GRID1: variants seen among roughly 807,000 people sequenced by gnomAD.
GRID1 encodes the protein glutamate receptor ionotropic, delta-1.
In GRID1, 28 loss-of-function variants were observed where a neutral mutation model predicts 98.0. The ratio of observed to expected loss-of-function variants is 0.29; its 90% CI spans 0.21 to 0.39. The LOEUF is 0.39. Ranked by LOEUF, GRID1 falls within the 10% of genes least tolerant of loss-of-function variation. The probability of loss-of-function intolerance (pLI) is 1.00; values close to 1 mark genes in which losing one functional copy is unlikely to be tolerated. For missense variants in GRID1, 1,111 were observed against 1,340.5 expected (o/e 0.83, Z 2.67); for synonymous variants, 553 against 538.5 (o/e 1.03, Z -0.37).
intron 4 of GRID1, among the ~76,000 whole-genome samples, chr10:86,099,906 G>A (rs963613925): frequency 2.0e-5 from 3 of 152,190 alleles, no homozygotes; most frequent in Non-Finnish European, 4.4e-5. Flanking sequence ...ATAACTGGGA[G>A]GGGTATCTGG....
chr10:85,754,799 C>T (rs1298433312), intron 8 of GRID1, among the ~76,000 whole-genome samples: 1 of 152,134 alleles, frequency 6.6e-6, no homozygotes, highest in Non-Finnish European at 1.5e-5. Flanking sequence ...GACTGTGTGA[C>T]CTTGGGCAGG....
chr10:85,820,023 AAGGAAGGCAGGCAGGC>A (rs1224171506), intron 8 of GRID1, among the ~76,000 whole-genome samples: 57 of 90,128 alleles, frequency 6.3e-4, no homozygotes, highest in African/African-American at 1.4e-3. Context: ...GGAAGGAAGG[AAGGAAGGCAGGCAGGC>A]AGGCAGGCAG....
At chr10:86,238,656 G>A (rs1039420006) in intron 2 of GRID1, among the ~76,000 whole-genome samples, 11 of 135,646 alleles carry the variant, frequency 8.1e-5, no homozygotes, top group Admixed American at 5.5e-4. Flanking sequence ...GTGACAGAGC[G>A]AGATTCCATC....
At chr10:85,898,216 G>A (rs1841322030) in intron 5 of GRID1, among the ~76,000 whole-genome samples, 1 of 152,160 alleles carries the variant, frequency 6.6e-6, no homozygotes, top group Non-Finnish European at 1.5e-5. Context: ...AAAAGGTATA[G>A]TAAAAATATG....
At chr10:86,013,875 G>T (rs1338878831) in intron 4 of GRID1, among the ~76,000 whole-genome samples, 1 of 152,196 alleles carries the variant, frequency 6.6e-6, no homozygotes, top group Non-Finnish European at 1.5e-5. Flanking sequence ...GTTAAGTTTT[G>T]TGGAAGCTCA....
At chr10:85,876,666 C>A (rs1179429772) in intron 5 of GRID1, among the ~76,000 whole-genome samples, 1 of 152,152 alleles carries the variant, frequency 6.6e-6, no homozygotes, top group African/African-American at 2.4e-5. Flanking sequence ...GTCTACAGCT[C>A]CCAGCGTGAG....
chr10:86,330,417 G>A (rs1200438511), intron 2 of GRID1, among the ~76,000 whole-genome samples: 4 of 152,110 alleles, frequency 2.6e-5, no homozygotes, highest in Non-Finnish European at 5.9e-5. Context: ...GGCTGGACAC[G>A]TTTCCCTCTT....
chr10:86,112,518 G>A (rs1844503637), intron 4 of GRID1, among the ~76,000 whole-genome samples: 1 of 151,746 alleles, frequency 6.6e-6, no homozygotes, highest in East Asian at 1.9e-4. Context: ...TGCTAACAGA[G>A]AGGATCCTTC....
chr10:86,347,411 A>T (rs1848400382), intron 2 of GRID1, among the ~76,000 whole-genome samples: 1 of 152,180 alleles, frequency 6.6e-6, no homozygotes, highest in South Asian at 2.1e-4. Flanking sequence ...CCAGTCTGAC[A>T]ATCAGGGTGT....
At chr10:85,927,159 C>T (rs1194083468) in intron 4 of GRID1, among the ~76,000 whole-genome samples, 1 of 152,208 alleles carries the variant, frequency 6.6e-6, no homozygotes, top group African/African-American at 2.4e-5. Flanking sequence ...GTGAGAAGCC[C>T]TCTAGACCAT....
chr10:85,780,705 CCCTAT>C (rs113299194), intron 8 of GRID1, among the ~76,000 whole-genome samples: 3,260 of 152,312 alleles, frequency 0.021, 106 homozygotes, highest in Admixed American at 0.074. Flanking sequence ...ACAGGTCAGA[CCCTAT>C]TTCCACTCTG....
intron 8 of GRID1, among the ~76,000 whole-genome samples, chr10:85,774,295 C>A (rs1842306068): frequency 6.6e-6 from 1 of 152,116 alleles, no homozygotes. Context: ...AAACTGGATC[C>A]CTTCCTTACA....
chr10:86,133,804 A>C (rs1369773544), intron 4 of GRID1, among the ~76,000 whole-genome samples: 1 of 152,246 alleles, frequency 6.6e-6, no homozygotes, highest in Non-Finnish European at 1.5e-5. Context: ...GGGACAGATT[A>C]TCCAACATCT....
chr10:86,186,387 A>C (rs1005235566), intron 3 of GRID1, among the ~76,000 whole-genome samples: 12 of 151,886 alleles, frequency 7.9e-5, no homozygotes, highest in Non-Finnish European at 7.4e-5. Context: ...TATTTTCTCT[A>C]CTGTTTTTCT....
At chr10:85,811,137 A>C (rs7905814) in intron 8 of GRID1, among the ~76,000 whole-genome samples, 2,528 of 152,274 alleles carry the variant, frequency 0.017, 59 homozygotes, top group African/African-American at 0.058. Context: ...AACATCACTA[A>C]CATGGATTAC....
chr10:85,735,754 T>C (rs1002344719), intron 8 of GRID1, among the ~76,000 whole-genome samples: 3 of 151,040 alleles, frequency 2.0e-5, no homozygotes, highest in Non-Finnish European at 4.4e-5. Flanking sequence ...CAATTTCATA[T>C]AGAGAGCATT....
In GRID1 at chr10:86,323,198, T is replaced by C. The variant is rs1847994743; in HGVS notation, c.235+40743A>G. 2.6e-5 allele frequency among the ~76,000 whole-genome samples: 4 copies of C among 152,218 alleles called. No individual in the cohort carries two copies. In the South Asian group the frequency reaches 8.3e-4, roughly 32 times the overall value. ...GAGGAGCAGAAGCTGCAGCAGTAGA[T>C]GGCAACTTCTCGAGAGCCGGGGTGG... On this transcript the variant is annotated intron_variant, in intron 2 of 15. Coordinates refer to ENST00000327946, the MANE Select transcript of GRID1 (RefSeq NM_017551.3).
rs557410429 is a variant in GRID1 at position 85,948,590 on chromosome 10, T to A, written c.727-32351A>T. Among the ~76,000 whole-genome samples, 3 of 152,338 alleles carry A rather than the reference T, an allele frequency of 2.0e-5. No homozygotes were observed. In the South Asian group the frequency reaches 6.2e-4, roughly 32 times the overall value. On this transcript the variant is annotated intron_variant, in intron 4 of 15. Transcript: ENST00000327946. ...ACCTATCTTTTAGAGGTATTTGCAA[T>A]AGACACTGACTTTGTATCTTACAGT... is the stretch of plus-strand genomic sequence containing the variant.
chr10:86,333,571 G>A (rs1848179644), intron 2 of GRID1, among the ~76,000 whole-genome samples: 1 of 152,190 alleles, frequency 6.6e-6, no homozygotes, highest in Admixed American at 6.5e-5. Context: ...CCCTCATGCA[G>A]TCAAAAATTT....
Sources: allele counts gnomAD v4.1 joint callset (sites outside exome capture counted in the v4.1 genomes callset), GRCh38; gene constraint gnomAD v4.1.1; transcripts MANE v1.5; gene names NCBI Gene and HGNC (gene_info 2026-07-23, HGNC 2026-07-21).